The following MTCL3 variants were observed in gnomAD, a reference collection of about 807,000 sequenced individuals.
MTCL3 encodes microtubule cross-linking factor 3.
At chr6:127,485,073 C>G in the MTCL3 span, among the ~76,000 whole-genome samples, 1 of 152,308 alleles carries the variant, frequency 6.6e-6, no homozygotes, top group South Asian at 2.1e-4. Context: ...TTGCAAATGT[C>G]TAAAGTTACT....
the MTCL3 span, among the ~76,000 whole-genome samples, chr6:127,489,230 G>A: frequency 0.011 from 1,695 of 152,202 alleles, 17 homozygotes; most frequent in Middle Eastern, 0.027. Flanking sequence ...TAACTTCACT[G>A]ATATAAATTG....
chr6:127,479,015 T>TAAAAAA, the MTCL3 span, among the ~76,000 whole-genome samples: 2 of 52,224 alleles, frequency 3.8e-5, no homozygotes, highest in Non-Finnish European at 7.5e-5. Context: ...AGACTCCATC[T>TAAAAAA]AAAAAAAAAA....
the MTCL3 span, among the ~76,000 whole-genome samples, chr6:127,474,354 T>G: frequency 6.6e-6 from 1 of 152,144 alleles, no homozygotes. Flanking sequence ...CTTGGCTCAC[T>G]GCAACCTCCC....
chr6:127,516,795 G>C, the MTCL3 span: 1 of 1,082,068 alleles, frequency 9.2e-7, no homozygotes. Context: ...GCGCTTAATA[G>C]AAGCTTTGAC....
chr6:127,488,583 A>G, the MTCL3 span, among the ~76,000 whole-genome samples: 1 of 152,312 alleles, frequency 6.6e-6, no homozygotes, highest in South Asian at 2.1e-4. Context: ...CGTTACTAAA[A>G]GTCAATAAAT....
At chr6:127,518,261 T>G in the MTCL3 span, among the ~76,000 whole-genome samples, 2 of 152,210 alleles carry the variant, frequency 1.3e-5, no homozygotes, top group Non-Finnish European at 2.9e-5. Flanking sequence ...CAATGCAAAC[T>G]TATTTTTGTT....
the MTCL3 span, among the ~76,000 whole-genome samples, chr6:127,506,554 G>T: frequency 2.0e-5 from 3 of 151,812 alleles, no homozygotes; most frequent in Non-Finnish European, 4.4e-5. Flanking sequence ...TGGCTTTATT[G>T]TGAACCATTT....
chr6:127,503,791 A>C, the MTCL3 span, among the ~76,000 whole-genome samples: 1 of 152,170 alleles, frequency 6.6e-6, no homozygotes, highest in Non-Finnish European at 1.5e-5. Flanking sequence ...GTGAGGCTGG[A>C]GTTACCCATC....
chr6:127,515,670 C>T, the MTCL3 span: 32 of 1,492,278 alleles, frequency 2.1e-5, no homozygotes, highest in Non-Finnish European at 2.7e-5. The surrounding 1 kb of genome is among the most constrained non-coding windows in gnomAD (Gnocchi z 4.3). Flanking sequence ...GGGGGCCCTC[C>T]GCCGCCGCCG....
At chr6:127,493,635 T>G in the MTCL3 span, among the ~76,000 whole-genome samples, 1 of 152,146 alleles carries the variant, frequency 6.6e-6, no homozygotes, top group Non-Finnish European at 1.5e-5. Flanking sequence ...CCTTTCTCCA[T>G]CCCATAAGGC....
At chr6:127,505,485 T>G in the MTCL3 span, among the ~76,000 whole-genome samples, 1 of 152,086 alleles carries the variant, frequency 6.6e-6, no homozygotes, top group Non-Finnish European at 1.5e-5. Context: ...CCTTGACACA[T>G]GGAGGGGAAC....
the MTCL3 span, among the ~76,000 whole-genome samples, chr6:127,493,942 T>C: frequency 6.6e-6 from 1 of 152,228 alleles, no homozygotes; most frequent in Non-Finnish European, 1.5e-5. Flanking sequence ...GAATTCTTTA[T>C]CGTTAAGGAA....
chr6:127,506,750 T>G, the MTCL3 span, among the ~76,000 whole-genome samples: 2 of 151,868 alleles, frequency 1.3e-5, no homozygotes, highest in African/African-American at 4.8e-5. Flanking sequence ...CCGGCTAATT[T>G]TTTGTATTTT....
chr6:127,515,484 C>G, the MTCL3 span: 1 of 1,406,248 alleles, frequency 7.1e-7, no homozygotes, highest in Non-Finnish European at 9.2e-7. The surrounding 1 kb of genome is among the most constrained non-coding windows in gnomAD (Gnocchi z 4.3). Flanking sequence ...CTCTTCCCAT[C>G]CCCCAGCCGG....
At chr6:127,515,469 G>A in the MTCL3 span, 5 of 1,397,348 alleles carry the variant, frequency 3.6e-6, no homozygotes, top group Non-Finnish European at 4.7e-6. The surrounding 1 kb of genome is among the most constrained non-coding windows in gnomAD (Gnocchi z 4.3). Context: ...ATCCTCCCAG[G>A]CCCACTCTTC....
chr6:127,495,259 T>C, the MTCL3 span, among the ~76,000 whole-genome samples: 1 of 152,158 alleles, frequency 6.6e-6, no homozygotes, highest in Non-Finnish European at 1.5e-5. Flanking sequence ...TATTAAACTA[T>C]GGATGACAAC....
At chr6:127,506,157 C>CAAA in the MTCL3 span, among the ~76,000 whole-genome samples, 1 of 152,122 alleles carries the variant, frequency 6.6e-6, no homozygotes, top group Non-Finnish European at 1.5e-5. Flanking sequence ...CAATCACACT[C>CAAA]AAATTCATGG....
At chr6:127,507,858 A>AGG in the MTCL3 span, among the ~76,000 whole-genome samples, 1 of 127,702 alleles carries the variant, frequency 7.8e-6, no homozygotes. Flanking sequence ...AAAAAAAAAA[A>AGG]AAAAAAAAAA....
chr6:127,502,125 CTGTG>C, the MTCL3 span, among the ~76,000 whole-genome samples: 13 of 152,266 alleles, frequency 8.5e-5, no homozygotes, highest in South Asian at 1.2e-3. Context: ...ATATGTATCA[CTGTG>C]TGTGTAAGTG....
Sources: allele counts gnomAD v4.1 joint callset (sites outside exome capture counted in the v4.1 genomes callset), GRCh38; gene constraint gnomAD v4.1.1; non-coding constraint Gnocchi (gnomAD v3.1); transcripts MANE v1.5; gene names NCBI Gene and HGNC (gene_info 2026-07-23, HGNC 2026-07-21).